The following ITPR2 variants were observed in gnomAD, a reference collection of about 807,000 sequenced individuals.
ITPR2 encodes the protein inositol 1,4,5-trisphosphate-gated calcium channel ITPR2.
Under a neutral mutation model 317.1 loss-of-function variants are expected in ITPR2, and 207 were observed. The ratio of observed to expected loss-of-function variants is 0.65; its 90% CI spans 0.58 to 0.73. The LOEUF is 0.73. Among genes scored for constraint, ITPR2 ranks in the 30% least tolerant of loss-of-function variants. The probability of loss-of-function intolerance (pLI) is 0.00; values close to 1 mark genes in which losing one functional copy is unlikely to be tolerated. For missense variants in ITPR2, 2,613 were observed against 3,284.0 expected, an observed-to-expected ratio of 0.80 and a Z score of 4.99; for synonymous variants, 1,156 against 1,149.1, an observed-to-expected ratio of 1.01 and a Z score of -0.12.
intron 23 of ITPR2, among the ~76,000 whole-genome samples, chr12:26,625,330 T>C (rs936073121): frequency 1.3e-5 from 2 of 152,134 alleles, no homozygotes; most frequent in Non-Finnish European, 2.9e-5. Context: ...TAAATGACTA[T>C]AATTGGATTA....
intron 2 of ITPR2, among the ~76,000 whole-genome samples, chr12:26,767,483 T>C (rs1454778971): frequency 1.3e-5 from 2 of 152,170 alleles, no homozygotes; most frequent in East Asian, 3.8e-4. Flanking sequence ...GTAAAATTGA[T>C]GTGTCACCAC....
In ITPR2 at chr12:26,632,048, T is replaced by C; in HGVS notation, c.2752A>G (p.Met918Val). The C allele has an allele frequency of 4.5e-6, 7 of 1,550,604 alleles. No homozygotes were observed. Among genetic ancestry groups the C allele is most frequent in the Non-Finnish European group, 6.1e-6 (7 of 1,150,522 alleles). The change falls in exon 22 of 57, where the codon ATG becomes GTG. Residue 918 changes from methionine to valine, a missense_variant. Met to Val is a conservative substitution (Grantham distance 21, BLOSUM62 1). Transcript: ENST00000381340. ...SKFQDGGNNV[M>V]RTIHGVGEMM... is the part of the protein sequence containing the mutation. ...TCTCCCACCCCATGAATGGTTCTCATCACATTGTTTCCTGGCATGAGAAAA... is the reference window on the plus strand; with the variant it reads ...TCTCCCACCCCATGAATGGTTCTCACCACATTGTTTCCTGGCATGAGAAAA...
At chr12:26,723,794 G>A (rs1256708217) in intron 4 of ITPR2, among the ~76,000 whole-genome samples, 1 of 152,134 alleles carries the variant, frequency 6.6e-6, no homozygotes, top group Non-Finnish European at 1.5e-5. Context: ...ATATTACACA[G>A]TGTCCTCTTT....
chr12:26,359,475 T>C lies in ITPR2; in HGVS notation c.7858-19147A>G, dbSNP rs1041163436. On this transcript the variant is annotated intron_variant, in intron 55 of 56. Coordinates refer to ENST00000381340, the MANE Select transcript of ITPR2 (RefSeq NM_002223.4). ...TCCCAGCCTCACCTCTCATTATGCA[T>C]GTGATCAGATTAGTATTAAAGTTTC... is the stretch of plus-strand genomic sequence containing the variant. 4.6e-5 allele frequency among the ~76,000 whole-genome samples: 7 copies of C among 152,282 alleles called. No homozygotes were observed. In the South Asian group the frequency reaches 8.3e-4, roughly 18 times the overall value.
intron 34 of ITPR2, among the ~76,000 whole-genome samples, chr12:26,577,382 TGAG>T (rs1238367255): frequency 6.6e-6 from 1 of 152,242 alleles, no homozygotes; most frequent in African/African-American, 2.4e-5. Context: ...TTAGTTTATC[TGAG>T]GAGAACTGGC....
intron 5 of ITPR2, among the ~76,000 whole-genome samples, chr12:26,720,009 G>A (rs1948806760): frequency 1.3e-5 from 2 of 152,062 alleles, no homozygotes; most frequent in Admixed American, 6.6e-5. Context: ...AAAGAAAAAT[G>A]AAATATTTAT....
chr12:26,635,407 A>C (rs1413773004), intron 21 of ITPR2, among the ~76,000 whole-genome samples: 1 of 152,194 alleles, frequency 6.6e-6, no homozygotes, highest in East Asian at 1.9e-4. Context: ...AGAAAATGAT[A>C]ATTTGAATTT....
chr12:26,742,538 G>A (rs1949249448), intron 2 of ITPR2, among the ~76,000 whole-genome samples: 1 of 152,210 alleles, frequency 6.6e-6, no homozygotes, highest in Non-Finnish European at 1.5e-5. Context: ...GATGTGGCCA[G>A]GTGCAGTGGC....
chr12:26,479,434 C>T (rs920964164), intron 43 of ITPR2, among the ~76,000 whole-genome samples: 18 of 152,048 alleles, frequency 1.2e-4, no homozygotes, highest in African/African-American at 3.9e-4. Flanking sequence ...TATTTCTGTC[C>T]ATTAAGTTTA....
At chr12:26,427,449 T>C (rs534116923) in intron 49 of ITPR2, among the ~76,000 whole-genome samples, 27 of 152,170 alleles carry the variant, frequency 1.8e-4, no homozygotes, top group Non-Finnish European at 7.4e-5. Flanking sequence ...ATAAAATTTG[T>C]TCACATAAAA....
At chr12:26,643,353 T>C (rs1281360757) in intron 21 of ITPR2, among the ~76,000 whole-genome samples, 1 of 152,220 alleles carries the variant, frequency 6.6e-6, no homozygotes, top group Non-Finnish European at 1.5e-5. Flanking sequence ...ATATCTAAAA[T>C]GTAGAAGTGC....
At chr12:26,559,260 CAT>C (rs1181172519) in intron 35 of ITPR2, among the ~76,000 whole-genome samples, 5 of 152,218 alleles carry the variant, frequency 3.3e-5, no homozygotes, top group African/African-American at 1.2e-4. Flanking sequence ...TGTCATCACA[CAT>C]AGAATACAAT....
intron 2 of ITPR2, chr12:26,726,046 T>C (rs958578870): frequency 3.9e-6 from 1 of 257,760 alleles, no homozygotes; most frequent in Non-Finnish European, 7.5e-6. Flanking sequence ...TGTGGTATTA[T>C]AAGGCATGGA....
At chr12:26,447,587 A>G (rs534273893) in intron 45 of ITPR2, among the ~76,000 whole-genome samples, 71 of 151,948 alleles carry the variant, frequency 4.7e-4, no homozygotes, top group African/African-American at 1.7e-3. Context: ...CGTATTTTTC[A>G]TCTGTGTTTT....
At chr12:26,667,030 G>A (rs1345007030) in intron 13 of ITPR2, among the ~76,000 whole-genome samples, 1 of 151,980 alleles carries the variant, frequency 6.6e-6, no homozygotes, top group East Asian at 1.9e-4. Context: ...ACTTTTTTTG[G>A]TATAGACAAA....
At chr12:26,558,167 G>T (rs1451948951) in intron 35 of ITPR2, among the ~76,000 whole-genome samples, 1 of 152,140 alleles carries the variant, frequency 6.6e-6, no homozygotes, top group Non-Finnish European at 1.5e-5. Flanking sequence ...TATAAAAGTG[G>T]GGAGAGCATG....
At chr12:26,411,003 G>A (rs908410230) in intron 52 of ITPR2, among the ~76,000 whole-genome samples, 1 of 152,186 alleles carries the variant, frequency 6.6e-6, no homozygotes, top group African/African-American at 2.4e-5. Flanking sequence ...GATCCTGTGT[G>A]AAAGGCTACA....
At chr12:26,808,854 A>AGG (rs1230487195) in intron 1 of ITPR2, among the ~76,000 whole-genome samples, 4 of 152,230 alleles carry the variant, frequency 2.6e-5, no homozygotes, top group African/African-American at 9.6e-5. Flanking sequence ...CAAAGAGAAC[A>AGG]CACTCTATTC....
chr12:26,693,591 TG>T (rs1948280536), intron 10 of ITPR2, among the ~76,000 whole-genome samples: 2 of 152,216 alleles, frequency 1.3e-5, no homozygotes, highest in Non-Finnish European at 2.9e-5. Flanking sequence ...ACAATCTAAG[TG>T]CCAGGTAAAT....
Sources: gnomAD v4.1 joint callset for allele counts (sites outside exome capture counted in the v4.1 genomes callset) on GRCh38, gnomAD v4.1.1 for gene constraint, MANE v1.5 for transcripts, NCBI Gene and HGNC (gene_info 2026-07-23, HGNC 2026-07-21) for gene names.